Variants in KIF18A observed in about 807,000 individuals in gnomAD.
KIF18A encodes kinesin family member 18A.
A neutral mutation model predicts 103.3 loss-of-function variants in KIF18A; 67 were observed. The observed-to-expected ratio is 0.65, with a 90% CI of 0.53 to 0.79. The LOEUF (loss-of-function observed/expected upper bound fraction) is 0.79. KIF18A is among the 30% of genes least tolerant of loss of function. The pLI is 0.00. For missense variants in KIF18A, 1,032 were observed against 1,062.5 expected (o/e 0.97, Z 0.40); for synonymous variants, 367 against 355.5 (o/e 1.03, Z -0.36).
chr11:28,056,217 T>C (rs1030288464), intron 13 of KIF18A, among the ~76,000 whole-genome samples: 1 of 151,234 alleles, frequency 6.6e-6, no homozygotes, highest in African/African-American at 2.4e-5. Flanking sequence ...CCATGGAATA[T>C]GGATGGCTGA....
chr11:28,096,173 CAAAAAAAA>C (rs1156735166), intron 2 of KIF18A, among the ~76,000 whole-genome samples: 4 of 49,694 alleles, frequency 8.0e-5, no homozygotes, highest in Admixed American at 2.7e-4. Flanking sequence ...AAGACTTCAT[CAAAAAAAA>C]AAAAAAAAAA....
At chr11:28,094,990 C>T (rs2062269) in intron 2 of KIF18A, among the ~76,000 whole-genome samples, 190 bp from the exon 3 acceptor site, 58,498 of 151,916 alleles carry the variant, frequency 0.39, 13,061 homozygotes, top group African/African-American at 0.62. Flanking sequence ...ATGTTCTTTA[C>T]TCTGATAAAT....
chr11:28,092,054 A>T (rs1590708793), intron 3 of KIF18A, among the ~76,000 whole-genome samples: 1 of 152,088 alleles, frequency 6.6e-6, no homozygotes, highest in African/African-American at 2.4e-5. Flanking sequence ...TGACCTCGTG[A>T]TCCGCCCACC....
intron 15 of KIF18A, among the ~76,000 whole-genome samples, chr11:28,028,420 G>A (rs1850349384): frequency 6.6e-6 from 1 of 152,124 alleles, no homozygotes; most frequent in Non-Finnish European, 1.5e-5. Context: ...ACCTGCTCCT[G>A]AATGACTACT....
intron 3 of KIF18A, among the ~76,000 whole-genome samples, chr11:28,093,852 T>G (rs1851333706): frequency 6.6e-6 from 1 of 152,126 alleles, no homozygotes; most frequent in African/African-American, 2.4e-5. Context: ...TAACAATAGA[T>G]AAAAGTTTGA....
At chr11:28,064,313 T>C (rs189031621) in intron 11 of KIF18A, among the ~76,000 whole-genome samples, 3 of 152,000 alleles carry the variant, frequency 2.0e-5, no homozygotes, top group African/African-American at 7.2e-5. Context: ...AAGCCAAATA[T>C]ATGCCCTTTA....
intron 1 of KIF18A, among the ~76,000 whole-genome samples, chr11:28,099,796 G>A (rs1317889742): frequency 2.0e-5 from 3 of 152,052 alleles, no homozygotes; most frequent in Admixed American, 2.0e-4. Flanking sequence ...GAGGAGAAAT[G>A]GAGGCCATTA....
chr11:28,086,268 G>C (rs1851227653), intron 6 of KIF18A, among the ~76,000 whole-genome samples: 1 of 152,084 alleles, frequency 6.6e-6, no homozygotes, highest in Non-Finnish European at 1.5e-5. Context: ...GCATGGCTTA[G>C]AGCTACTTTT....
At chr11:28,024,570 A>C (rs1321186854) in intron 15 of KIF18A, among the ~76,000 whole-genome samples, 1 of 152,152 alleles carries the variant, frequency 6.6e-6, no homozygotes, top group Non-Finnish European at 1.5e-5. Context: ...AAATAAGATA[A>C]ATACATGAAA....
At chr11:28,039,630 C>T (rs867210627) in intron 13 of KIF18A, among the ~76,000 whole-genome samples, 6 of 151,632 alleles carry the variant, frequency 4.0e-5, no homozygotes, top group Non-Finnish European at 5.9e-5. Flanking sequence ...GAAATATCCA[C>T]GTGTCCTCTG....
chr11:28,021,025 G>T lies in KIF18A; in HGVS notation c.*175C>A. On this transcript the variant is annotated 3_prime_UTR_variant, in exon 17 of 17. Coordinates refer to ENST00000263181, the MANE Select transcript of KIF18A (RefSeq NM_031217.4). ...TTTCTTTTGAAATTTTATTTTTTTAGAACACAAAAGAAGAAAACAAAGAGT... is the reference window on the plus strand; with the variant it reads ...TTTCTTTTGAAATTTTATTTTTTTATAACACAAAAGAAGAAAACAAAGAGT... 1 of 491,534 alleles carries T rather than the reference G, an allele frequency of 2.0e-6. No individual in the cohort carries two copies. Among genetic ancestry groups the T allele is most frequent in the Non-Finnish European group, 3.0e-6 (1 of 335,286 alleles). 30.4% of individuals were successfully genotyped at this position (491,534 alleles called of 1,614,324 possible). A position where few individuals can be genotyped will look rare whatever the true frequency, so the allele number is the denominator to read the frequency against.
intron 13 of KIF18A, among the ~76,000 whole-genome samples, chr11:28,052,254 T>G (rs1850720533): frequency 6.6e-6 from 1 of 152,036 alleles, no homozygotes; most frequent in African/African-American, 2.4e-5. Flanking sequence ...ACAATTGAGG[T>G]ATGTTACATT....
chr11:28,076,042 CT>C (rs1207090659), intron 10 of KIF18A, among the ~76,000 whole-genome samples: 2 of 151,664 alleles, frequency 1.3e-5, no homozygotes, highest in East Asian at 3.9e-4. Flanking sequence ...TGGTATACCC[CT>C]AGTATAAAGG....
Position 28,082,907 on chromosome 11 carries a change from T to C in KIF18A, c.1211A>G (p.Asn404Ser), listed in dbSNP as rs1229936309. 1 of 1,606,100 alleles carries C rather than the reference T, an allele frequency of 6.2e-7. No individual in the cohort carries two copies. The highest frequency in any genetic ancestry group is 8.5e-7 in the Non-Finnish European group (1 of 1,175,470). Residue 404 changes from asparagine (N) to serine (S), a missense_variant, in exon 9 of 17, where the codon AAT becomes AGT. Physicochemically the swap from Asn to Ser is conservative, Grantham distance 46. Coordinates refer to ENST00000263181, the MANE Select transcript of KIF18A (RefSeq NM_031217.4). The stretch of plus-strand genomic sequence containing the variant: ...TGAAATCATTAACTTTGCTTGGTCA[T>C]TTTCATTAGTGAAGGCTTTCTGTTC... ...YEEQKAFTNE[N>S]DQAKLMISNP...
In KIF18A at chr11:28,097,823, A is replaced by T; in HGVS notation, c.125T>A (p.Leu42Gln). The T allele has an allele frequency of 6.2e-7, 1 of 1,613,280 alleles. No homozygotes were observed. Among genetic ancestry groups the T allele is most frequent in the Non-Finnish European group, 8.5e-7 (1 of 1,179,398 alleles). The part of the protein sequence containing the change: ...KVVHVVDKHI[L>Q]VFDPKQEEVS... ...TTCTTCTTGTTTGGGATCAAAAACT[A>T]GGATATGTTTATCCACAACATGAAC... Residue 42 changes from leucine to glutamine, a missense_variant, in exon 2 of 17, where the codon CTA becomes CAA. Transcript: ENST00000263181.
chr11:28,045,920 G>A (rs1850626310), intron 13 of KIF18A, among the ~76,000 whole-genome samples: 1 of 151,522 alleles, frequency 6.6e-6, no homozygotes, highest in Admixed American at 6.6e-5. Context: ...AGACATTTAT[G>A]CAGCCAAAAA....
intron 12 of KIF18A, 28 bp from the exon 13 acceptor site, chr11:28,059,189 G>C: frequency 6.9e-6 from 10 of 1,459,794 alleles, no homozygotes; most frequent in Non-Finnish European, 9.6e-6. Flanking sequence ...GAAGAAAGGA[G>C]AGATAAATAT....
At chr11:28,057,061 A>G (rs1013365396) in intron 13 of KIF18A, among the ~76,000 whole-genome samples, 5 of 151,964 alleles carry the variant, frequency 3.3e-5, no homozygotes, top group African/African-American at 1.2e-4. Flanking sequence ...CCAAATGAAC[A>G]AAGAGTTATT....
intron 16 of KIF18A, among the ~76,000 whole-genome samples, chr11:28,023,016 G>A (rs1284619584): frequency 6.6e-6 from 1 of 152,150 alleles, no homozygotes; most frequent in Non-Finnish European, 1.5e-5. Context: ...GTGTCTTACT[G>A]CTCTCTGTAT....
Sources: allele counts gnomAD v4.1 joint callset (sites outside exome capture counted in the v4.1 genomes callset), GRCh38; gene constraint gnomAD v4.1.1; transcripts MANE v1.5; gene names NCBI Gene and HGNC (gene_info 2026-07-23, HGNC 2026-07-21).